Variants in CDC20B observed in about 807,000 individuals in gnomAD.
CDC20B encodes cell division cycle protein 20 homolog B.
Under a neutral mutation model 64.1 loss-of-function variants are expected in CDC20B, and 58 were observed. That is an observed-to-expected ratio of 0.90 (90% confidence interval 0.73 to 1.13). The LOEUF (loss-of-function observed/expected upper bound fraction) is 1.13. Ranked by LOEUF, CDC20B falls within the 50% of genes most tolerant of loss-of-function variation. CDC20B has a pLI of 0.00. For missense variants in CDC20B, 597 were observed against 633.0 expected (o/e 0.94, Z 0.61); for synonymous variants, 243 against 230.6 (o/e 1.05, Z -0.49).
chr5:55,160,311 T>A (rs769543463), intron 2 of CDC20B: 1 of 1,613,966 alleles, frequency 6.2e-7, no homozygotes, highest in Non-Finnish European at 8.5e-7. Flanking sequence ...CTAAAATTCC[T>A]CAAACCTAAA....
intron 2 of CDC20B, 77 bp downstream of exon 2, chr5:55,172,511 A>T: frequency 8.3e-7 from 1 of 1,201,316 alleles, no homozygotes; most frequent in Non-Finnish European, 1.2e-6. Context: ...AACTTCCTAC[A>T]AATACATTAT....
In CDC20B at chr5:55,172,974, C is replaced by G; in HGVS notation, c.27G>C (p.Ala9=). Residue 9 remains alanine (A), a synonymous_variant, in exon 1 of 12, where the codon GCG becomes GCC. Coordinates refer to ENST00000381375, the MANE Select transcript of CDC20B (RefSeq NM_001170402.1). The stretch of plus-strand genomic sequence containing the variant: ...CCTCTTCCGTGCGGACCCTCCGAGG[C>G]GCGGTGCGCTCCAGTTTCCACTCCA... MEWKLERT[A]PRRVRTEEEM... 1 of 1,612,032 alleles carries G rather than the reference C, an allele frequency of 6.2e-7. No individual in the cohort carries two copies. Among genetic ancestry groups the G allele is most frequent in the Non-Finnish European group, 8.5e-7 (1 of 1,179,296 alleles).
rs908137977 is a variant in CDC20B at position 55,114,119 on chromosome 5, A to T, written c.*99T>A. The T allele has an allele frequency of 1.8e-5, 26 of 1,468,322 alleles. No individual in the cohort carries two copies. Among genetic ancestry groups the T allele is most frequent in the Non-Finnish European group, 2.3e-5 (25 of 1,106,158 alleles). The allele number at this position is 1,468,322 out of a possible 1,614,324, so 91.0% of individuals were successfully genotyped here. A position where few individuals can be genotyped will look rare whatever the true frequency, so the allele number is the denominator to read the frequency against. ...GCATTCACATCAAGAAGAGTATTTC[A>T]ACTTGTTTGATACTCATAAAAACCC... is the stretch of plus-strand genomic sequence containing the variant. On this transcript the variant is annotated 3_prime_UTR_variant, in exon 12 of 12. Transcript: ENST00000381375. This position sits in a 1 kb window ranked among gnomAD's most constrained non-coding sequence, Gnocchi z 4.1.
At chr5:55,131,484 A>C (rs763334371) in intron 6 of CDC20B, among the ~76,000 whole-genome samples, 57 of 152,196 alleles carry the variant, frequency 3.7e-4, no homozygotes, top group Non-Finnish European at 7.1e-4. Context: ...GATGAGAAAG[A>C]GTGAACAAAA....
chr5:55,141,171 C>A (rs1743319048), intron 4 of CDC20B, among the ~76,000 whole-genome samples: 1 of 152,182 alleles, frequency 6.6e-6, no homozygotes, highest in African/African-American at 2.4e-5. Context: ...CAGCAGCTCT[C>A]ATCAACAGCT....
chr5:55,119,998 T>G (rs1040862468), intron 10 of CDC20B, 80 bp from the exon 11 acceptor site: 1 of 1,027,550 alleles, frequency 9.7e-7, no homozygotes, highest in Middle Eastern at 2.1e-4. Context: ...ACAGGCAGTA[T>G]GCACTGTCCA....
chr5:55,140,038 T>G lies in CDC20B; in HGVS notation c.580+276A>C, dbSNP rs951827492. On this transcript the variant is annotated intron_variant, in intron 5 of 11. Coordinates refer to ENST00000381375, the MANE Select transcript of CDC20B (RefSeq NM_001170402.1). ...AAAACAAAAAAGTCATGATTAAGTCTAAAATCACAAGAAATAGTAGTTTAC... is the reference window on the plus strand; with the variant it reads ...AAAACAAAAAAGTCATGATTAAGTCGAAAATCACAAGAAATAGTAGTTTAC... 3.9e-5 allele frequency among the ~76,000 whole-genome samples: 6 copies of G among 152,068 alleles called. No individual in the cohort carries two copies. In the South Asian group the frequency reaches 1.0e-3, roughly 26 times the overall value.
intron 4 of CDC20B, among the ~76,000 whole-genome samples, chr5:55,142,687 A>C (rs1312872316): frequency 6.6e-6 from 1 of 152,146 alleles, no homozygotes; most frequent in Non-Finnish European, 1.5e-5. Context: ...CCCCAAACCC[A>C]TATCCAACAA....
At chr5:55,132,748 C>T (rs1743061804) in intron 6 of CDC20B, among the ~76,000 whole-genome samples, 1 of 152,218 alleles carries the variant, frequency 6.6e-6, no homozygotes, top group South Asian at 2.1e-4. Context: ...TCTCCATAAT[C>T]TGTACCCACC....
chr5:55,147,507 A>T (rs1434026722), intron 2 of CDC20B, among the ~76,000 whole-genome samples: 3 of 148,002 alleles, frequency 2.0e-5, no homozygotes, highest in Non-Finnish European at 3.0e-5. Context: ...ATTTATATAT[A>T]AAAATGTTAC....
At chr5:55,160,984 T>C in intron 2 of CDC20B, 1 of 1,584,388 alleles carries the variant, frequency 6.3e-7, no homozygotes. Flanking sequence ...TTTTTTTCTT[T>C]TTCCGGGAGG....
intron 2 of CDC20B, among the ~76,000 whole-genome samples, chr5:55,163,185 G>GA (rs905897581): frequency 6.6e-6 from 1 of 151,614 alleles, no homozygotes; most frequent in Non-Finnish European, 1.5e-5. Context: ...GGTATAAATA[G>GA]AAAAAAAATC....
intron 5 of CDC20B, chr5:55,135,832 CCTT>C (rs896500176): frequency 6.7e-6 from 1 of 149,596 alleles, no homozygotes; most frequent in African/African-American, 2.5e-5. Flanking sequence ...CCAAAACAAT[CCTT>C]CTTCCAATGT....
intron 2 of CDC20B, chr5:55,170,680 T>C (rs756339337): frequency 3.0e-5 from 16 of 534,572 alleles, no homozygotes; most frequent in Non-Finnish European, 4.6e-5. Context: ...GGCAGGGTAG[T>C]TGTGGCTGCT....
intron 5 of CDC20B, chr5:55,135,975 ACT>A (rs1743154820): frequency 1.3e-5 from 2 of 151,400 alleles, no homozygotes; most frequent in South Asian, 4.2e-4. Context: ...ACAGAGTCTC[ACT>A]CTGTCAGCCA....
intron 2 of CDC20B, among the ~76,000 whole-genome samples, chr5:55,147,740 T>C (rs1284103856): frequency 1.3e-5 from 2 of 152,122 alleles, no homozygotes; most frequent in Non-Finnish European, 2.9e-5. Context: ...CATTTATAAA[T>C]ATTACCATTA....
At chr5:55,116,957 TGTC>T (rs1475404344) in intron 11 of CDC20B, among the ~76,000 whole-genome samples, 1 of 152,224 alleles carries the variant, frequency 6.6e-6, no homozygotes, top group Non-Finnish European at 1.5e-5. Flanking sequence ...TAGTGGGAAA[TGTC>T]GTCTTTATCT....
intron 2 of CDC20B, chr5:55,161,362 T>G (rs1341265661): frequency 9.2e-7 from 1 of 1,081,732 alleles, no homozygotes; most frequent in Non-Finnish European, 1.3e-6. Context: ...TCGGGAAAGC[T>G]TCATAAAACT....
intron 3 of CDC20B, 56 bp from the exon 4 acceptor site, chr5:55,143,699 G>T: frequency 1.3e-6 from 2 of 1,503,606 alleles, no homozygotes; most frequent in South Asian, 1.3e-5. Context: ...TAATCACTTT[G>T]ATTGTAGGTC....
Sources: allele counts gnomAD v4.1 joint callset (sites outside exome capture counted in the v4.1 genomes callset), GRCh38; gene constraint gnomAD v4.1.1; non-coding constraint Gnocchi (gnomAD v3.1); transcripts MANE v1.5; gene names NCBI Gene and HGNC (gene_info 2026-07-23, HGNC 2026-07-21).